The following WDR45 variants were observed in gnomAD, a reference collection of about 807,000 sequenced individuals.
WDR45 encodes WD repeat domain phosphoinositide-interacting protein 4.
Under a neutral mutation model 27.3 loss-of-function variants are expected in WDR45, and 2 were observed. That is an observed-to-expected ratio of 0.07 (90% CI 0.03 to 0.23). The LOEUF is 0.23. WDR45 is among the 10% of genes least tolerant of loss of function. The pLI is 1.00. For synonymous variants in WDR45, 99 were observed against 119.2 expected, an observed-to-expected ratio of 0.83 and a Z score of 1.11; for missense variants, 175 against 311.9, an observed-to-expected ratio of 0.56 and a Z score of 3.31.
At chrX:49,099,799 A>C (rs2147832038) in intron 2 of WDR45, among the ~76,000 whole-genome samples, 1 of 13,530 alleles carries the variant, frequency 7.4e-5, no homozygotes, top group African/African-American at 1.1e-4. Flanking sequence ...AAAAACAAAA[A>C]AAAACAAAAA....
exon 2 of WDR45, chrX:49,100,396 G>C (rs1199770950): frequency 1.8e-5 from 2 of 109,513 alleles, no homozygotes; most frequent in Non-Finnish European, 3.8e-5. Flanking sequence ...CACCACGCCC[G>C]GCTGATTTTT....
At position 49,074,830 on chromosome X, in the gene WDR45, A is replaced by G; in HGVS notation, c.1056T>C (p.Leu352=). 1 of 1,210,811 alleles carries G rather than the reference A, an allele frequency of 8.3e-7. No homozygotes were observed. Among genetic ancestry groups the G allele is most frequent in the African/African-American group, 1.7e-5 (1 of 57,806 alleles). ...AAAAGTCATCATCATCACAGATGTC[A>G]AGGTACACGTCGAAAGCCTCTCTGT... is the stretch of plus-strand genomic sequence containing the variant. ...NCNREAFDVY[L]DICDDDDF Residue 352 remains leucine, a synonymous_variant, in exon 11 of 11, where the codon CTT becomes CTC. Coordinates refer to ENST00000376372, the MANE Select transcript of WDR45 (RefSeq NM_001029896.2).
chrX:49,095,616 A>G (rs1184399727), intron 2 of WDR45, among the ~76,000 whole-genome samples: 1 of 107,634 alleles, frequency 9.3e-6, no homozygotes, highest in Non-Finnish European at 1.9e-5. Context: ...GCCCGCCACC[A>G]CGCCCAGCTA....
intron 2 of WDR45, among the ~76,000 whole-genome samples, chrX:49,095,610 G>A (rs1051848868): frequency 9.3e-6 from 1 of 107,663 alleles, no homozygotes; most frequent in Non-Finnish European, 1.9e-5. Context: ...ACAGGCGCCC[G>A]CCACCACGCC....
upstream of WDR45, among the ~76,000 whole-genome samples, chrX:49,084,886 C>G (rs1321351996): frequency 4.5e-5 from 5 of 111,349 alleles, no homozygotes; most frequent in African/African-American, 1.3e-4. Context: ...CTGCCCGCCT[C>G]GGCCTCCTAA....
chrX:49,096,625 C>T (rs1277281889), intron 2 of WDR45, among the ~76,000 whole-genome samples: 1 of 112,511 alleles, frequency 8.9e-6, no homozygotes, highest in Admixed American at 9.5e-5. Flanking sequence ...GTTGCCCAGG[C>T]TAGAGGGCAG....
At chrX:49,086,783 G>C (rs1321516195) in intron 2 of WDR45, among the ~76,000 whole-genome samples, 1 of 109,593 alleles carries the variant, frequency 9.1e-6, no homozygotes, top group East Asian at 2.9e-4. Flanking sequence ...AGTAGAGATG[G>C]GGTTTCACTG....
intron 2 of WDR45, among the ~76,000 whole-genome samples, chrX:49,085,149 A>G (rs955015083): frequency 1.8e-5 from 2 of 111,952 alleles, no homozygotes; most frequent in African/African-American, 6.5e-5. Flanking sequence ...AAAGGACAGA[A>G]TGTCAGCAGA....
At chrX:49,089,026 G>A (rs782253204) in intron 2 of WDR45, among the ~76,000 whole-genome samples, 57 of 112,459 alleles carry the variant, frequency 5.1e-4, no homozygotes, top group Non-Finnish European at 8.4e-4. Context: ...AGTGGCTCAC[G>A]CTTGTAATCT....
At chrX:49,091,553 T>A (rs1216125559) in intron 2 of WDR45, among the ~76,000 whole-genome samples, 2 of 100,574 alleles carry the variant, frequency 2.0e-5, no homozygotes. Context: ...ATCGAGACCA[T>A]CCTGGCTAAC....
chrX:49,088,869 AAG>A (rs371448854), intron 2 of WDR45, among the ~76,000 whole-genome samples: 9 of 111,972 alleles, frequency 8.0e-5, no homozygotes, highest in African/African-American at 2.9e-4. Context: ...AACAAACAAA[AAG>A]AAGTCACTAA....
upstream of WDR45, among the ~76,000 whole-genome samples, chrX:49,084,826 G>T (rs1207720513): frequency 9.1e-6 from 1 of 110,223 alleles, no homozygotes; most frequent in Admixed American, 9.8e-5. Flanking sequence ...GTAGAGATGG[G>T]GTTTCACCAT....
chrX:49,090,737 C>G (rs1360163228), intron 2 of WDR45, among the ~76,000 whole-genome samples: 8 of 108,806 alleles, frequency 7.4e-5, no homozygotes, highest in Non-Finnish European at 1.3e-4. Context: ...AGAGTTTCAC[C>G]ACATTGGCTA....
At chrX:49,081,755 A>T (rs2065068145), upstream of WDR45, among the ~76,000 whole-genome samples, 1 of 108,771 alleles carries the variant, frequency 9.2e-6, no homozygotes, top group Non-Finnish European at 1.9e-5. Flanking sequence ...AGGCCGAGGC[A>T]GGTGGATTGC....
rs2065047023 is a variant in WDR45 at position 49,077,878 on chromosome X, C to T, written c.89G>A (p.Arg30His). Residue 30 changes from arginine (R) to histidine (H), a missense_variant, in exon 3 of 11, where the codon CGC becomes CAC. Around this residue, in one of 3 missense-constraint regions of WDR45, gnomAD observed 102 missense variants for 165.4 expected, o/e 0.62. Transcript: ENST00000376372. ...CFCCAMETGV[R>H]IYNVEPLMEK... Reference sequence around the variant, plus strand: ...CATCAAGGGCTCCACGTTGTAGATGCGCACACCTGTCTCCATGGCGCAGCA... The same window carrying T: ...CATCAAGGGCTCCACGTTGTAGATGTGCACACCTGTCTCCATGGCGCAGCA... 3.3e-6 allele frequency: 4 copies of T among 1,210,589 alleles called. No individual in the cohort carries two copies. The highest frequency in any genetic ancestry group is 1.7e-5 in the African/African-American group (1 of 57,423).
Position 49,075,541 on chromosome X carries a change from T to C in WDR45, c.725+4A>G, listed in dbSNP as rs782370706. ...CCAGCCCACCATGCATACCCTGTGC[T>C]CACCAGTAGAGGGTGGCAGGGTCAG... On this transcript the variant is annotated splice_donor_region_variant and intron_variant, in intron 8 of 10. Transcript: ENST00000376372. The C allele has an allele frequency of 1.3e-5, 16 of 1,209,921 alleles. No individual in the cohort carries two copies. Among genetic ancestry groups the C allele is most frequent in the Non-Finnish European group, 1.7e-5 (15 of 895,080 alleles).
At chrX:49,099,804 C>A (rs868988889) in intron 2 of WDR45, among the ~76,000 whole-genome samples, 57 of 101,257 alleles carry the variant, frequency 5.6e-4, no homozygotes, top group African/African-American at 2.0e-3. Flanking sequence ...CAAAAAAAAA[C>A]AAAAAAAAAC....
At chrX:49,074,989 T>C (rs1299128072) in intron 10 of WDR45, 77 bp from the exon 11 acceptor site, 3 of 1,125,483 alleles carry the variant, frequency 2.7e-6, no homozygotes, top group Non-Finnish European at 2.4e-6. Context: ...TCTCAGGACC[T>C]AGGGTCTGCC....
At chrX:49,088,271 G>A (rs782805320) in intron 2 of WDR45, among the ~76,000 whole-genome samples, 2 of 111,650 alleles carry the variant, frequency 1.8e-5, no homozygotes, top group East Asian at 5.6e-4. Flanking sequence ...GCTGGGCGTG[G>A]TGGCGTGTGC....
Sources: gnomAD v4.1 joint callset for allele counts (sites outside exome capture counted in the v4.1 genomes callset) on GRCh38, gnomAD v4.1.1 for gene constraint, gnomAD v4.1.1 regional missense constraint, MANE v1.5 for transcripts, NCBI Gene and HGNC (gene_info 2026-07-23, HGNC 2026-07-21) for gene names.